Variants in TAFA1 observed in about 807,000 individuals in gnomAD.
The protein encoded by TAFA1 is chemokine-like protein TAFA-1.
TAFA1 carries 4 observed loss-of-function variants against 18.5 expected under a neutral mutation model. The observed-to-expected ratio is 0.22, with a 90% CI of 0.11 to 0.49. TAFA1 has a LOEUF of 0.49. Among genes scored for constraint, TAFA1 ranks in the 20% least tolerant of loss-of-function variants. TAFA1 has a pLI of 0.98. For missense variants in TAFA1, 147 were observed against 169.0 expected, an observed-to-expected ratio of 0.87 and a Z score of 0.72; for synonymous variants, 56 against 55.2, an observed-to-expected ratio of 1.01 and a Z score of -0.06.
chr3:68,366,085 C>CAAAAAAAAAA (rs35861602), intron 2 of TAFA1, among the ~76,000 whole-genome samples: 2 of 93,852 alleles, frequency 2.1e-5, no homozygotes, highest in Non-Finnish European at 2.1e-5. Context: ...GACTCCATCT[C>CAAAAAAAAAA]AAAAAAAAAA....
At chr3:68,349,783 G>A (rs1252099899) in intron 2 of TAFA1, among the ~76,000 whole-genome samples, 8 of 152,088 alleles carry the variant, frequency 5.3e-5, no homozygotes, top group Non-Finnish European at 1.0e-4. Flanking sequence ...GTGGCCATTA[G>A]GTCTTAGATT....
chr3:68,025,281 A>G (rs1704790641), intron 2 of TAFA1, among the ~76,000 whole-genome samples: 1 of 152,018 alleles, frequency 6.6e-6, no homozygotes, highest in African/African-American at 2.4e-5. Flanking sequence ...CTCTAACTTC[A>G]TGATATATTC....
chr3:68,495,435 A>G (rs1169327009), intron 3 of TAFA1, among the ~76,000 whole-genome samples: 1 of 152,194 alleles, frequency 6.6e-6, no homozygotes, highest in Admixed American at 6.5e-5. Flanking sequence ...TTACTTAAAA[A>G]CTAGGCATCA....
chr3:68,514,446 C>G (rs930229479), intron 3 of TAFA1, among the ~76,000 whole-genome samples: 5 of 152,076 alleles, frequency 3.3e-5, no homozygotes, highest in Non-Finnish European at 5.9e-5. Context: ...ATTTACTTCT[C>G]ATTTTACTTT....
At chr3:68,427,857 A>T (rs1439962317) in intron 3 of TAFA1, among the ~76,000 whole-genome samples, 1 of 151,860 alleles carries the variant, frequency 6.6e-6, no homozygotes, top group African/African-American at 2.4e-5. Context: ...ATGAGATCTG[A>T]TGGTTTTATA....
At chr3:68,159,216 T>C (rs2065898534) in intron 2 of TAFA1, among the ~76,000 whole-genome samples, 2 of 152,176 alleles carry the variant, frequency 1.3e-5, no homozygotes, top group Admixed American at 1.3e-4. Context: ...AGGAGCCCCA[T>C]TCTGAGATCA....
At chr3:68,498,721 G>GTTTTTTTTTTTTTTTTTTTTTTT (rs1559694779) in intron 3 of TAFA1, among the ~76,000 whole-genome samples, 3 of 101,720 alleles carry the variant, frequency 2.9e-5, no homozygotes, top group South Asian at 3.0e-4. Context: ...CCGTTTGGTG[G>GTTTTTTTTTTTTTTTTTTTTTTT]CTTTTTTTTT....
rs140997595 is a variant in TAFA1 at position 68,362,436 on chromosome 3, G to A, written c.119-54844G>A. 2.0e-5 allele frequency among the ~76,000 whole-genome samples: 3 copies of A among 152,234 alleles called. No homozygotes were observed. In the East Asian group the frequency reaches 5.8e-4, roughly 29 times the overall value. ...ACGGAGAAATGGTATCTTAGATTCA[G>A]GAAACAGCACAGGCAAAAACTACAG... On this transcript the variant is annotated intron_variant, in intron 2 of 4. Transcript: ENST00000478136.
chr3:68,096,871 C>T (rs1311439096), intron 2 of TAFA1, among the ~76,000 whole-genome samples: 1 of 152,096 alleles, frequency 6.6e-6, no homozygotes, highest in Non-Finnish European at 1.5e-5. Flanking sequence ...AAGTTATTCT[C>T]AGAGGTAATG....
At chr3:68,241,743 T>C (rs1327088424) in intron 2 of TAFA1, among the ~76,000 whole-genome samples, 1 of 152,168 alleles carries the variant, frequency 6.6e-6, no homozygotes, top group Non-Finnish European at 1.5e-5. Flanking sequence ...GAGGAAAGGA[T>C]GTGTGGCAGG....
intron 2 of TAFA1, among the ~76,000 whole-genome samples, chr3:68,166,892 T>C (rs1285677024): frequency 1.3e-5 from 2 of 152,138 alleles, no homozygotes; most frequent in African/African-American, 4.8e-5. Flanking sequence ...CCTTACCCAG[T>C]AGACATGCAG....
intron 1 of TAFA1, among the ~76,000 whole-genome samples, chr3:68,004,914 T>A (rs983006957): frequency 2.0e-5 from 3 of 152,138 alleles, no homozygotes; most frequent in Non-Finnish European, 4.4e-5. Flanking sequence ...ATTAAAAAAA[T>A]ATATATTGCA....
chr3:68,492,524 A>G (rs1160480053), intron 3 of TAFA1, among the ~76,000 whole-genome samples: 2 of 152,196 alleles, frequency 1.3e-5, no homozygotes, highest in Non-Finnish European at 2.9e-5. Flanking sequence ...AGAAGAAACC[A>G]ATGAATGAAT....
chr3:68,145,738 G>A (rs2065731497), intron 2 of TAFA1: 1 of 645,740 alleles, frequency 1.5e-6, no homozygotes, highest in Non-Finnish European at 2.8e-6. Flanking sequence ...AAGCACCTCA[G>A]CATTCCTTAC....
chr3:68,421,880 C>G (rs2106811034), intron 3 of TAFA1, among the ~76,000 whole-genome samples: 1 of 152,076 alleles, frequency 6.6e-6, no homozygotes, highest in African/African-American at 2.4e-5. Context: ...GAATTTTAGC[C>G]ATCATCTTTT....
Position 68,104,978 on chromosome 3 carries a change from A to T in TAFA1, c.118+98234A>T, listed in dbSNP as rs9839928. On this transcript the variant is annotated intron_variant, in intron 2 of 4. Coordinates refer to ENST00000478136, the MANE Select transcript of TAFA1 (RefSeq NM_213609.4). ...GCTGTACAGGAAGCATGGTGCTGGC[A>T]TCTGCATCTGGTTAAGGCCTCAGGA... Among the ~76,000 whole-genome samples the T allele has an allele frequency of 7.0e-3, 1,063 of 152,262 alleles. 6 individuals carry two copies. The highest frequency in any genetic ancestry group is 0.024 in the African/African-American group (996 of 41,546).
chr3:68,410,388 A>G (rs2070692371), intron 2 of TAFA1, among the ~76,000 whole-genome samples: 1 of 152,056 alleles, frequency 6.6e-6, no homozygotes, highest in Non-Finnish European at 1.5e-5. Flanking sequence ...TAACACATCT[A>G]ACTTTTCCAG....
chr3:68,172,158 T>C (rs984813219), intron 2 of TAFA1, among the ~76,000 whole-genome samples: 8 of 152,160 alleles, frequency 5.3e-5, no homozygotes, highest in African/African-American at 1.9e-4. Flanking sequence ...CCTATATAAG[T>C]CATCGCCAAA....
intron 2 of TAFA1, among the ~76,000 whole-genome samples, chr3:68,193,603 TATC>T (rs1226953746): frequency 2.0e-5 from 3 of 151,846 alleles, no homozygotes; most frequent in Non-Finnish European, 4.4e-5. Flanking sequence ...TAGTTTCCAT[TATC>T]ATTTTGAATA....
Sources: allele counts gnomAD v4.1 joint callset (sites outside exome capture counted in the v4.1 genomes callset), GRCh38; gene constraint gnomAD v4.1.1; transcripts MANE v1.5; gene names NCBI Gene and HGNC (gene_info 2026-07-23, HGNC 2026-07-21).